Variants in ATG2B observed in about 807,000 individuals in gnomAD.
ATG2B encodes the protein autophagy-related protein 2 homolog B.
A neutral mutation model predicts 241.3 loss-of-function variants in ATG2B; 121 were observed. That is an observed-to-expected ratio of 0.50 (90% CI 0.43 to 0.58). The LOEUF (loss-of-function observed/expected upper bound fraction) is 0.58, where lower values mean the gene tolerates loss of function less well. Among genes scored for constraint, ATG2B ranks in the 20% least tolerant of loss-of-function variants. The probability of loss-of-function intolerance (pLI) is 0.00; values close to 1 mark genes in which losing one functional copy is unlikely to be tolerated. For synonymous variants in ATG2B, 858 were observed against 876.6 expected (o/e 0.98, Z 0.37); for missense variants, 2,306 against 2,491.6 (o/e 0.93, Z 1.59).
At chr14:96,287,546 T>C (rs1455462157) in intron 41 of ATG2B, among the ~76,000 whole-genome samples, 1 of 152,208 alleles carries the variant, frequency 6.6e-6, no homozygotes, top group East Asian at 1.9e-4. Flanking sequence ...TGACCTTAGA[T>C]AAGTCATTTA....
At chr14:96,357,803 T>C (rs757691326) in intron 1 of ATG2B, among the ~76,000 whole-genome samples, 9 of 152,218 alleles carry the variant, frequency 5.9e-5, no homozygotes, top group Non-Finnish European at 1.2e-4. Flanking sequence ...AACTAAAAGT[T>C]TGAAACTTTT....
chr14:96,331,399 T>G lies in ATG2B; in HGVS notation c.1707A>C (p.Glu569Asp), dbSNP rs756885910. The G allele has an allele frequency of 6.2e-7, 1 of 1,613,776 alleles. No homozygotes were observed. The highest frequency in any genetic ancestry group is 1.7e-5 in the Admixed American group (1 of 59,942). ...ACCTAAGGTGATCGTGTGAGCAAGCTTCTGCAAACACTGCTCGGAAAGACT... is the reference window on the plus strand; with the variant it reads ...ACCTAAGGTGATCGTGTGAGCAAGCGTCTGCAAACACTGCTCGGAAAGACT... The part of the protein sequence containing the change: ...DFKSFRAVFA[E>D]ACSHDHLRFI... The change falls in exon 11 of 42, where the codon GAA (glutamate) becomes GAC (aspartate). Residue 569 changes from glutamate (E) to aspartate (D), a missense_variant. Around this residue, in one of 2 missense-constraint regions of ATG2B, gnomAD observed 1,927 missense variants for 2,011.2 expected, o/e 0.96. Transcript: ENST00000359933.
intron 35 of ATG2B, 53 bp from the exon 36 acceptor site, chr14:96,295,220 A>G (rs1770547): frequency 1.1e-5 from 16 of 1,402,360 alleles, no homozygotes; most frequent in Non-Finnish European, 1.5e-5. Flanking sequence ...TTCTTAGCAA[A>G]CATTTAAATC....
At chr14:96,292,142 T>C (rs757726114) in intron 36 of ATG2B, 44 bp from the exon 37 acceptor site, 2 of 1,234,914 alleles carry the variant, frequency 1.6e-6, no homozygotes, top group South Asian at 1.4e-5. Context: ...TTACAATTAC[T>C]AATAGGTGAA....
chr14:96,340,109 TG>T (rs1887980164), intron 6 of ATG2B, among the ~76,000 whole-genome samples: 3 of 23,944 alleles, frequency 1.3e-4, no homozygotes, highest in African/African-American at 6.5e-4. Context: ...ATAGAATATA[TG>T]ATATATATGA....
chr14:96,352,649 T>C (rs762287827), intron 1 of ATG2B, among the ~76,000 whole-genome samples: 2 of 151,414 alleles, frequency 1.3e-5, no homozygotes, highest in African/African-American at 2.5e-5. Context: ...AAAATGCTTA[T>C]AGCATAAGAA....
chr14:96,316,464 A>AT, intron 21 of ATG2B, 69 bp downstream of exon 21: 1 of 1,487,876 alleles, frequency 6.7e-7, no homozygotes, highest in Non-Finnish European at 9.1e-7. Context: ...TTCTCAATAG[A>AT]TTTTCTTTGT....
intron 18 of ATG2B, among the ~76,000 whole-genome samples, chr14:96,319,858 CA>C (rs1347914678): frequency 6.6e-6 from 1 of 152,086 alleles, no homozygotes; most frequent in Non-Finnish European, 1.5e-5. Flanking sequence ...ATTATTTAAA[CA>C]GTATTAATTT....
At chr14:96,342,825 G>A (rs1286706284) in intron 5 of ATG2B, among the ~76,000 whole-genome samples, 2 of 151,342 alleles carry the variant, frequency 1.3e-5, no homozygotes, top group African/African-American at 4.9e-5. Flanking sequence ...TCAAAAATCT[G>A]AAACACAGTC....
chr14:96,362,121 A>G (rs1888651994), intron 1 of ATG2B, among the ~76,000 whole-genome samples: 1 of 152,160 alleles, frequency 6.6e-6, no homozygotes, highest in Non-Finnish European at 1.5e-5. Flanking sequence ...GGCAGGTTTT[A>G]AAATGTCTGA....
At chr14:96,307,187 G>A (rs1886973834) in intron 29 of ATG2B, among the ~76,000 whole-genome samples, 1 of 152,090 alleles carries the variant, frequency 6.6e-6, no homozygotes, top group African/African-American at 2.4e-5. Flanking sequence ...CGAGATGGGT[G>A]GATCACCTGA....
intron 6 of ATG2B, among the ~76,000 whole-genome samples, chr14:96,337,258 T>C (rs1296438392): frequency 6.6e-6 from 1 of 152,196 alleles, no homozygotes; most frequent in Non-Finnish European, 1.5e-5. Flanking sequence ...TAAATCCGGG[T>C]ATCTTCTTAA....
At chr14:96,326,283 T>C (rs1289376728) in intron 14 of ATG2B, among the ~76,000 whole-genome samples, 10 of 152,230 alleles carry the variant, frequency 6.6e-5, no homozygotes, top group Non-Finnish European at 1.3e-4. Flanking sequence ...AAAATCACTG[T>C]AGTGTCCAAC....
intron 41 of ATG2B, among the ~76,000 whole-genome samples, chr14:96,287,113 G>A (rs1033503226): frequency 6.6e-6 from 1 of 151,934 alleles, no homozygotes; most frequent in Non-Finnish European, 1.5e-5. Context: ...AAACTAGCCG[G>A]GCGTGGTGGC....
chr14:96,340,069 TGTGATATGATATATATGAATATATG>T (rs1887971616), intron 6 of ATG2B, among the ~76,000 whole-genome samples: 2 of 119,266 alleles, frequency 1.7e-5, no homozygotes, highest in Admixed American at 9.3e-5. Flanking sequence ...ATATGCTATA[TGTGATATGATATATATGAATATATG>T]CTATATAGAA....
rs1242557758 is a variant in ATG2B at position 96,290,755 on chromosome 14, T to C, written c.5701+59A>G. ...GTCCTCACATAAGTTCTCAAAGGGA[T>C]AAGAATTACTCATCTGAAAAAATAA... On this transcript the variant is annotated intron_variant, in intron 39 of 41. Coordinates refer to ENST00000359933, the MANE Select transcript of ATG2B (RefSeq NM_018036.7). This position sits in a 1 kb window ranked among gnomAD's most constrained non-coding sequence, Gnocchi z 4.4. 6.3e-7 allele frequency: 1 copy of C among 1,578,192 alleles called. No individual in the cohort carries two copies. The highest frequency in any genetic ancestry group is 8.6e-7 in the Non-Finnish European group (1 of 1,161,702).
intron 34 of ATG2B, among the ~76,000 whole-genome samples, chr14:96,298,956 TTGAC>T (rs1470821986): frequency 1.3e-5 from 2 of 152,176 alleles, no homozygotes; most frequent in African/African-American, 4.8e-5. Flanking sequence ...ATGCTAAACT[TTGAC>T]TGTAAAATGT....
chr14:96,283,778 T>C lies in ATG2B; in HGVS notation c.*1977A>G, dbSNP rs1319463331. 1 of 152,242 alleles carries C rather than the reference T, an allele frequency of 6.6e-6. No homozygotes were observed. Among genetic ancestry groups the C allele is most frequent in the Non-Finnish European group, 1.5e-5 (1 of 68,048 alleles). 9.4% of individuals were successfully genotyped at this position (152,242 alleles called of 1,614,324 possible). On this transcript the variant is annotated 3_prime_UTR_variant, in exon 42 of 42. Transcript: ENST00000359933. The stretch of plus-strand genomic sequence containing the variant: ...CCAGAATCTCAGGTAAAGAACATCT[T>C]GGCTGAACTGACAACGAATCTTTTT...
At chr14:96,360,933 CAA>C (rs35630598) in intron 1 of ATG2B, among the ~76,000 whole-genome samples, 2 of 73,738 alleles carry the variant, frequency 2.7e-5, no homozygotes, top group East Asian at 3.5e-4. Context: ...AATCCTCTAC[CAA>C]AAAAAAAAAA....
Sources: allele counts gnomAD v4.1 joint callset (sites outside exome capture counted in the v4.1 genomes callset), GRCh38; gene constraint gnomAD v4.1.1; regional missense constraint gnomAD v4.1.1; non-coding constraint Gnocchi (gnomAD v3.1); transcripts MANE v1.5; gene names NCBI Gene and HGNC (gene_info 2026-07-23, HGNC 2026-07-21).